The following FSTL5 variants were observed in gnomAD, a reference collection of about 807,000 sequenced individuals.
FSTL5 encodes follistatin-related protein 5.
FSTL5 carries 62 observed loss-of-function variants against 89.1 expected under a neutral mutation model. The ratio of observed to expected loss-of-function variants is 0.70; its 90% CI spans 0.57 to 0.86. The LOEUF (loss-of-function observed/expected upper bound fraction) is 0.86. Among genes scored for constraint, FSTL5 ranks in the 40% least tolerant of loss-of-function variants. The pLI is 0.00. For missense variants in FSTL5, 1,057 were observed against 1,001.6 expected (o/e 1.06, Z -0.75); for synonymous variants, 383 against 346.2 (o/e 1.11, Z -1.18).
At chr4:162,134,877 G>T (rs1196840978) in intron 1 of FSTL5, among the ~76,000 whole-genome samples, 1 of 152,200 alleles carries the variant, frequency 6.6e-6, no homozygotes, top group Non-Finnish European at 1.5e-5. Context: ...CTCTTGTTAA[G>T]TAGGGTTGTT....
chr4:162,099,876 TC>T (rs1244919442), intron 2 of FSTL5, among the ~76,000 whole-genome samples: 1 of 152,150 alleles, frequency 6.6e-6, no homozygotes, highest in African/African-American at 2.4e-5. Flanking sequence ...AACTACAGCG[TC>T]CACTATTTGG....
At chr4:161,890,475 G>A (rs1732950264) in intron 4 of FSTL5, among the ~76,000 whole-genome samples, 1 of 151,970 alleles carries the variant, frequency 6.6e-6, no homozygotes, top group African/African-American at 2.4e-5. Context: ...AGATCACGAG[G>A]TCAGGAGTTT....
At chr4:162,116,320 A>G (rs1417657187) in intron 1 of FSTL5, among the ~76,000 whole-genome samples, 1 of 152,214 alleles carries the variant, frequency 6.6e-6, no homozygotes, top group Non-Finnish European at 1.5e-5. Context: ...AACGTGTGCC[A>G]AGGCCGACCT....
At chr4:162,015,484 C>A (rs919146971) in intron 3 of FSTL5, among the ~76,000 whole-genome samples, 1 of 152,162 alleles carries the variant, frequency 6.6e-6, no homozygotes, top group Non-Finnish European at 1.5e-5. Context: ...CAGTAACGTG[C>A]CATGCCACAC....
intron 6 of FSTL5, among the ~76,000 whole-genome samples, chr4:161,723,334 C>T (rs984517424): frequency 1.3e-5 from 2 of 151,928 alleles, no homozygotes; most frequent in Admixed American, 6.6e-5. Context: ...AAATGTATTA[C>T]CCTTGGTTAA....
chr4:162,061,650 T>A lies in FSTL5; in HGVS notation c.127-27992A>T, dbSNP rs545033949. 1.3e-3 allele frequency among the ~76,000 whole-genome samples: 194 copies of A among 152,090 alleles called. 2 individuals carry two copies. The highest frequency in any genetic ancestry group is 3.7e-3 in the African/African-American group (155 of 41,498). ...AATGTAACACATTTTGTTCAAAAAT[T>A]AAGAATTTTAAGATGATGACAGCAG... is the stretch of plus-strand genomic sequence containing the variant. On this transcript the variant is annotated intron_variant, in intron 2 of 15. Coordinates refer to ENST00000306100, the MANE Select transcript of FSTL5 (RefSeq NM_020116.5).
At chr4:161,474,622 T>C (rs1401393602) in intron 13 of FSTL5, among the ~76,000 whole-genome samples, 1 of 150,550 alleles carries the variant, frequency 6.6e-6, no homozygotes, top group Non-Finnish European at 1.5e-5. Context: ...CTCGGTTCAC[T>C]GCAACCTCTG....
At chr4:162,028,244 C>A (rs1737376288) in intron 3 of FSTL5, among the ~76,000 whole-genome samples, 1 of 152,054 alleles carries the variant, frequency 6.6e-6, no homozygotes, top group African/African-American at 2.4e-5. Flanking sequence ...TCAAAAATAA[C>A]TTTTTGGACT....
intron 15 of FSTL5, among the ~76,000 whole-genome samples, chr4:161,452,929 G>C (rs7437816): frequency 1 from 152,083 of 152,328 alleles, 75,919 homozygotes; most frequent in East Asian, 1. Context: ...CCTTATAGTT[G>C]TTCACAATAG....
chr4:161,920,442 T>C lies in FSTL5; in HGVS notation c.371A>G (p.Lys124Arg). 1 of 1,614,058 alleles carries C rather than the reference T, an allele frequency of 6.2e-7. No individual in the cohort carries two copies. Among genetic ancestry groups the C allele is most frequent in the Non-Finnish European group, 8.5e-7 (1 of 1,179,954 alleles). ...VHRAACLKKQ[K>R]ITIVHNEDCF... ...GTCTTCATTGTGAACAATGGTAATC[T>C]TTTGTTTTTTCAGGCAAGCAGCTCT... Residue 124 changes from lysine (K) to arginine (R), a missense_variant, in exon 4 of 16, where the codon AAG becomes AGG. Coordinates refer to ENST00000306100, the MANE Select transcript of FSTL5 (RefSeq NM_020116.5).
At chr4:161,879,626 TC>T (rs1251356325) in intron 4 of FSTL5, among the ~76,000 whole-genome samples, 1 of 152,196 alleles carries the variant, frequency 6.6e-6, no homozygotes, top group Non-Finnish European at 1.5e-5. Flanking sequence ...TCCAAATACA[TC>T]CAATATGCCA....
intron 7 of FSTL5, among the ~76,000 whole-genome samples, chr4:161,641,498 TG>T (rs1479335172): frequency 2.0e-5 from 3 of 149,976 alleles, no homozygotes; most frequent in Admixed American, 1.3e-4. Flanking sequence ...AGGGTTTTTT[TG>T]TTTTGTTTTG....
intron 2 of FSTL5, chr4:162,043,173 C>T (rs1003570156): frequency 6.6e-6 from 1 of 152,096 alleles, no homozygotes; most frequent in Non-Finnish European, 1.5e-5. Context: ...TATGTACATC[C>T]TTCTTACAGC....
At chr4:161,449,430 G>A (rs999317441) in intron 15 of FSTL5, among the ~76,000 whole-genome samples, 26 of 152,218 alleles carry the variant, frequency 1.7e-4, no homozygotes, top group Admixed American at 1.6e-3. Flanking sequence ...ATAATCAAAT[G>A]GTAGTTTGGG....
intron 1 of FSTL5, among the ~76,000 whole-genome samples, chr4:162,143,495 T>C (rs1230633902): frequency 1.3e-5 from 2 of 152,130 alleles, no homozygotes; most frequent in African/African-American, 4.8e-5. Context: ...TTGTTAATGC[T>C]CCATGCTAAT....
rs533175613 is a variant in FSTL5 at position 161,488,936 on chromosome 4, C to T, written c.1459-7767G>A. 3.7e-4 allele frequency among the ~76,000 whole-genome samples: 57 copies of T among 152,130 alleles called. No individual in the cohort carries two copies. In the South Asian group the frequency reaches 0.011, roughly 28 times the overall value. ...CTCTCTATCTGGCGTTTGGCAGTCC[C>T]GTGACTGAGCAAATCACTTGATCTT... On this transcript the variant is annotated intron_variant, in intron 12 of 15. Transcript: ENST00000306100.
At chr4:162,035,617 A>AATCC (rs1737706886) in intron 2 of FSTL5, among the ~76,000 whole-genome samples, 6 of 152,076 alleles carry the variant, frequency 3.9e-5, no homozygotes, top group Non-Finnish European at 8.8e-5. Flanking sequence ...ATTTGGTAGG[A>AATCC]CTTTGGTTTT....
At chr4:161,650,184 A>G (rs1356591861) in intron 7 of FSTL5, among the ~76,000 whole-genome samples, 1 of 152,212 alleles carries the variant, frequency 6.6e-6, no homozygotes, top group Non-Finnish European at 1.5e-5. Context: ...AAAACAATAG[A>G]AATGTACAAA....
intron 5 of FSTL5, among the ~76,000 whole-genome samples, chr4:161,775,393 A>T (rs7666910): frequency 0.21 from 31,908 of 152,154 alleles, 6,155 homozygotes; most frequent in African/African-American, 0.51. Context: ...CTGAATATGC[A>T]GTAATTGGTC....
Sources: gnomAD v4.1 joint callset for allele counts (sites outside exome capture counted in the v4.1 genomes callset) on GRCh38, gnomAD v4.1.1 for gene constraint, MANE v1.5 for transcripts, NCBI Gene and HGNC (gene_info 2026-07-23, HGNC 2026-07-21) for gene names.